FRMD5: variants seen among roughly 807,000 people sequenced by gnomAD.
The protein encoded by FRMD5 is FERM domain-containing protein 5.
FRMD5 carries 20 observed loss-of-function variants against 69.0 expected under a neutral mutation model. The observed-to-expected ratio is 0.29, with a 90% confidence interval of 0.20 to 0.42. The LOEUF (loss-of-function observed/expected upper bound fraction) is 0.42. FRMD5 is among the 10% of genes least tolerant of loss of function. The pLI, the probability that FRMD5 is intolerant of heterozygous loss-of-function variation, is 1.00. For missense variants in FRMD5, 595 were observed against 708.6 expected, an observed-to-expected ratio of 0.84 and a Z score of 1.82; for synonymous variants, 271 against 260.1, an observed-to-expected ratio of 1.04 and a Z score of -0.40.
rs140501627 is a variant in FRMD5, at chr15:43,898,539, C to T, written c.639+3636G>A. Among the ~76,000 whole-genome samples, 1,316 of 152,322 alleles carry T rather than the reference C, an allele frequency of 8.6e-3. 23 individuals are homozygous for T. The highest frequency in any genetic ancestry group is 0.03 in the African/African-American group (1,260 of 41,550). On this transcript the variant is annotated intron_variant, in intron 7 of 13. Transcript: ENST00000417257. ...GGCATCTGTAACAGGCCTCACTACT[C>T]CATGAACCGTAACAGGACATCTCCG...
chr15:43,971,713 T>C (rs1416481634), intron 1 of FRMD5, among the ~76,000 whole-genome samples: 2 of 151,910 alleles, frequency 1.3e-5, no homozygotes, highest in Non-Finnish European at 2.9e-5. Flanking sequence ...TAAAACTTCG[T>C]TTTTTCTTCT....
At chr15:43,949,062 A>G (rs1447691070) in intron 1 of FRMD5, among the ~76,000 whole-genome samples, 1 of 152,236 alleles carries the variant, frequency 6.6e-6, no homozygotes, top group African/African-American at 2.4e-5. Context: ...AGGCCAAAAG[A>G]AGCACTAAGC....
chr15:43,875,363 A>AATATATATATATATAT (rs749584177), intron 13 of FRMD5, among the ~76,000 whole-genome samples: 1 of 105,348 alleles, frequency 9.5e-6, no homozygotes, highest in Admixed American at 1.2e-4. Context: ...AAAAAAAAAA[A>AATATATATATATATAT]ATATATATAT....
At chr15:44,029,264 C>T (rs1447102651) in intron 1 of FRMD5, among the ~76,000 whole-genome samples, 2 of 151,974 alleles carry the variant, frequency 1.3e-5, no homozygotes, top group East Asian at 1.9e-4. Flanking sequence ...ATTTAACTTA[C>T]ATTTGGTTCA....
At chr15:44,116,567 C>T (rs946894748) in intron 1 of FRMD5, among the ~76,000 whole-genome samples, 3 of 152,158 alleles carry the variant, frequency 2.0e-5, no homozygotes, top group Non-Finnish European at 4.4e-5. Context: ...GCATAATACA[C>T]TTTCATTAAC....
At chr15:43,940,487 C>A (rs759915172) in intron 1 of FRMD5, among the ~76,000 whole-genome samples, 5 of 152,144 alleles carry the variant, frequency 3.3e-5, no homozygotes, top group Admixed American at 6.6e-5. Context: ...GAGGTATGTA[C>A]AAGGTACAGG....
At chr15:44,197,078 G>A (rs766067634), upstream of FRMD5, among the ~76,000 whole-genome samples, 10 of 152,110 alleles carry the variant, frequency 6.6e-5, no homozygotes, top group Non-Finnish European at 1.3e-4. Flanking sequence ...GCATGCGCCC[G>A]TGGTCCCAGC....
intron 1 of FRMD5, among the ~76,000 whole-genome samples, chr15:43,988,357 C>CTT (rs35486163): frequency 0.012 from 1,776 of 145,782 alleles, 29 homozygotes; most frequent in Middle Eastern, 0.025. Context: ...GTCATTAGCA[C>CTT]TTTTTTTTTT....
intron 1 of FRMD5, among the ~76,000 whole-genome samples, chr15:44,084,332 G>A (rs547416963): frequency 2.6e-4 from 39 of 152,058 alleles, no homozygotes; most frequent in African/African-American, 8.7e-4. Context: ...GAAAGAGACC[G>A]CAGAAATCAC....
intron 4 of FRMD5, among the ~76,000 whole-genome samples, chr15:43,916,839 C>T (rs965396665): frequency 8.0e-5 from 12 of 149,980 alleles, no homozygotes; most frequent in Admixed American, 4.6e-4. Flanking sequence ...AGTGCAATGG[C>T]GTGATCTTGG....
At chr15:44,169,253 G>A (rs1227434436) in intron 1 of FRMD5, among the ~76,000 whole-genome samples, 1 of 151,642 alleles carries the variant, frequency 6.6e-6, no homozygotes, top group Non-Finnish European at 1.5e-5. Context: ...AATTCTTCAG[G>A]GTATGCTATA....
intron 1 of FRMD5, among the ~76,000 whole-genome samples, chr15:43,995,931 G>C (rs1889900044): frequency 6.6e-6 from 1 of 152,104 alleles, no homozygotes; most frequent in Non-Finnish European, 1.5e-5. Flanking sequence ...CCCTGGATCT[G>C]CTAGAACAGG....
intron 1 of FRMD5, among the ~76,000 whole-genome samples, chr15:44,108,947 T>C (rs1304011046): frequency 7.2e-6 from 1 of 139,240 alleles, no homozygotes; most frequent in Admixed American, 6.9e-5. Flanking sequence ...GGCAACAGAG[T>C]GAGACTTCTC....
chr15:43,873,870 A>G lies in FRMD5; in HGVS notation c.*15T>C. Reference sequence around the variant, plus strand: ...TTGGTCCACCTGGCTAGTTTTTGGGAGGAGTCATGCCTTCTCAGGTGTCAA... The same window carrying G: ...TTGGTCCACCTGGCTAGTTTTTGGGGGGAGTCATGCCTTCTCAGGTGTCAA... On this transcript the variant is annotated 3_prime_UTR_variant, in exon 14 of 14. Transcript: ENST00000417257. 6.2e-7 allele frequency: 1 copy of G among 1,610,312 alleles called. No individual in the cohort carries two copies. Among genetic ancestry groups the G allele is most frequent in the East Asian group, 2.2e-5 (1 of 44,784 alleles).
In FRMD5 at chr15:43,885,675, A is replaced by G; in HGVS notation, c.959+6T>C. ...TCCATAATGGTTACTTACTGTCACT[A>G]TTTACCTGTATCGGAACCGGCTCCC... is the stretch of plus-strand genomic sequence containing the variant. On this transcript the variant is annotated splice_donor_region_variant and intron_variant, in intron 11 of 13. Transcript: ENST00000417257. 1 of 1,611,370 alleles carries G rather than the reference A, an allele frequency of 6.2e-7. No individual in the cohort carries two copies. Among genetic ancestry groups the G allele is most frequent in the Non-Finnish European group, 8.5e-7 (1 of 1,177,520 alleles).
intron 1 of FRMD5, among the ~76,000 whole-genome samples, chr15:43,968,012 T>G (rs1311636476): frequency 1.3e-5 from 2 of 151,130 alleles, no homozygotes; most frequent in Non-Finnish European, 2.9e-5. Context: ...GTGAGAACAA[T>G]GCATTTCCTA....
intron 1 of FRMD5, among the ~76,000 whole-genome samples, chr15:44,146,038 A>G (rs2077350291): frequency 6.6e-6 from 1 of 152,168 alleles, no homozygotes; most frequent in Non-Finnish European, 1.5e-5. Flanking sequence ...TGTGCAGGAC[A>G]TGCAGGTTTG....
At chr15:43,959,813 G>A (rs1595561500) in intron 1 of FRMD5, among the ~76,000 whole-genome samples, 1 of 152,014 alleles carries the variant, frequency 6.6e-6, no homozygotes, top group African/African-American at 2.4e-5. Flanking sequence ...GAGTGAATTT[G>A]GTCAATATTT....
intron 1 of FRMD5, among the ~76,000 whole-genome samples, chr15:44,096,320 C>T (rs551631215): frequency 2.4e-4 from 37 of 151,232 alleles, no homozygotes; most frequent in Admixed American, 5.3e-4. Flanking sequence ...CTAAAGCAAT[C>T]GTAGTAGCAT....
Sources: gnomAD v4.1 joint callset for allele counts (sites outside exome capture counted in the v4.1 genomes callset) on GRCh38, gnomAD v4.1.1 for gene constraint, MANE v1.5 for transcripts, NCBI Gene and HGNC (gene_info 2026-07-23, HGNC 2026-07-21) for gene names.